The following CCDC22 variants were observed in gnomAD, a reference collection of about 807,000 sequenced individuals.
CCDC22 encodes the protein coiled-coil domain-containing protein 22.
Under a neutral mutation model 53.1 loss-of-function variants are expected in CCDC22, and 4 were observed. The ratio of observed to expected loss-of-function variants is 0.08; its 90% CI spans 0.04 to 0.17. The LOEUF (loss-of-function observed/expected upper bound fraction) is 0.17. CCDC22 is among the 10% of genes least tolerant of loss of function. The pLI, the probability that CCDC22 is intolerant of heterozygous loss-of-function variation, is 1.00. For synonymous variants in CCDC22, 222 were observed against 224.4 expected (o/e 0.99, Z 0.10); for missense variants, 458 against 554.0 (o/e 0.83, Z 1.74).
Position 49,248,185 on chromosome X carries a change from G to A in CCDC22, c.1093-6G>A. 1 of 1,201,342 alleles carries A rather than the reference G, an allele frequency of 8.3e-7. No individual in the cohort carries two copies. The highest frequency in any genetic ancestry group is 1.1e-6 in the Non-Finnish European group (1 of 895,247). On this transcript the variant is annotated splice_polypyrimidine_tract_variant and splice_region_variant and intron_variant, in intron 9 of 16. Transcript: ENST00000376227. ...TGTGGCATGTGACTGGGTATCCACC[G>A]GCCAGGCAGAGTCTGAGTGCCGGCA...
Position 49,243,324 on chromosome X carries a change from C to T in CCDC22, c.576C>T (p.Val192=), listed in dbSNP as rs782176188. 1.0e-5 allele frequency: 12 copies of T among 1,204,611 alleles called. No individual in the cohort carries two copies. Among genetic ancestry groups the T allele is most frequent in the Non-Finnish European group, 1.3e-5 (12 of 891,657 alleles). ...EFQASPLLLP[V]PTQVPQPVGR... ...AGGCGAGTCCCCTGCTGCTTCCAGT[C>T]CCTACCCAGGTGCCTCAGCCTGTTG... Residue 192 remains valine, a synonymous_variant, in exon 6 of 17, where the codon GTC becomes GTT. Transcript: ENST00000376227.
chrX:49,249,534 G>A lies in CCDC22; in HGVS notation c.1661G>A (p.Arg554Gln). The change falls in exon 15 of 17, where the codon CGG (arginine) becomes CAG (glutamine). Residue 554 changes from arginine (R) to glutamine (Q), a missense_variant. Arg to Gln is a conservative substitution (Grantham distance 43). Around this residue, in one of 4 missense-constraint regions of CCDC22, gnomAD observed 48 missense variants for 83.4 expected, o/e 0.58. Coordinates refer to ENST00000376227, the MANE Select transcript of CCDC22 (RefSeq NM_014008.5). ...FKDAKKDDAV[R>Q]KAYKYLAALH... is the part of the protein sequence containing the mutation. The stretch of plus-strand genomic sequence containing the variant: ...GATGCCAAGAAGGACGATGCTGTTC[G>A]GAAGGCCTATAAGTATCTAGCTGCT... The A allele has an allele frequency of 1.7e-6, 2 of 1,206,356 alleles. No individual in the cohort carries two copies. Among genetic ancestry groups the A allele is most frequent in the Non-Finnish European group, 2.2e-6 (2 of 893,066 alleles).
Position 49,248,448 on chromosome X carries a change from G to A in CCDC22, c.1254G>A (p.Ala418=), listed in dbSNP as rs782796542. 9 of 1,208,641 alleles carry A rather than the reference G, an allele frequency of 7.4e-6. No individual in the cohort carries two copies. The highest frequency in any genetic ancestry group is 3.5e-5 in the South Asian group (2 of 56,701). The part of the protein sequence containing the change: ...ENSAQRVIHL[A]GQWEKHRVPL... ...GTGCCCAGCGGGTCATCCACTTGGC[G>A]GGTCAGTGGGAGAAGCACCGGGTCC... is the stretch of plus-strand genomic sequence containing the variant. The change falls in exon 11 of 17, where the codon GCG becomes GCA. Residue 418 remains alanine (A), a synonymous_variant. Transcript: ENST00000376227.
rs1557115084 is a variant in CCDC22 at position 49,249,660 on chromosome X, C to G, written c.1705C>G (p.Gln569Glu). Residue 569 changes from glutamine (Q) to glutamate (E), a missense_variant, in exon 16 of 17, where the codon CAG (glutamine) becomes GAG (glutamate). Transcript: ENST00000376227. ...YLAALHENCS[Q>E]LIQTIEDTGT... ...CTCCTGTTGTCCCCAGAACTGCAGC[C>G]AGCTCATCCAGACCATCGAGGACAC... The G allele has an allele frequency of 5.8e-6, 7 of 1,208,856 alleles. No individual in the cohort carries two copies. The highest frequency in any genetic ancestry group is 7.8e-6 in the Non-Finnish European group (7 of 894,838).
At chrX:49,243,550 C>T in intron 6 of CCDC22, 88 bp downstream of exon 6, 2 of 777,023 alleles carry the variant, frequency 2.6e-6, no homozygotes, top group Non-Finnish European at 3.6e-6. Context: ...CCACTTTGTC[C>T]CTCCCTTCCA....
Position 49,250,177 on chromosome X carries a change from C to G in CCDC22, c.1800C>G (p.Leu600=). Residue 600 remains leucine (L), a synonymous_variant, in exon 17 of 17, where the codon CTC becomes CTG. Coordinates refer to ENST00000376227, the MANE Select transcript of CCDC22 (RefSeq NM_014008.5). ...QIETELGKKT[L]SNLEKIREDY... is the part of the protein sequence containing the mutation. ...AGACAGAGCTGGGCAAGAAGACCCT[C>G]AGCAACCTGGAGAAGATCCGGGAGG... 1 of 1,164,773 alleles carries G rather than the reference C, an allele frequency of 8.6e-7. No homozygotes were observed. Among genetic ancestry groups the G allele is most frequent in the Non-Finnish European group, 1.2e-6 (1 of 869,537 alleles).
chrX:49,238,370 C>T (rs781918437), intron 2 of CCDC22, among the ~76,000 whole-genome samples: 2 of 111,387 alleles, frequency 1.8e-5, no homozygotes, highest in African/African-American at 3.3e-5. Flanking sequence ...TGAGCCACTG[C>T]GCCCGGCCGA....
At chrX:49,246,642 CT>C in intron 6 of CCDC22, 88 bp from the exon 7 acceptor site, 1 of 836,437 alleles carries the variant, frequency 1.2e-6, no homozygotes, top group Non-Finnish European at 1.6e-6. Context: ...TGTCAGTATA[CT>C]CTTGTCAGGG....
At chrX:49,248,553 G>C in intron 11 of CCDC22, 30 bp downstream of exon 11, 2 of 1,195,845 alleles carry the variant, frequency 1.7e-6, no homozygotes, top group Non-Finnish European at 2.3e-6. Context: ...GCTGTGGGCG[G>C]GCCAGGGCAG....
In CCDC22 at chrX:49,242,110, T is replaced by G; in HGVS notation, c.323T>G (p.Leu108Arg). 1 of 1,209,749 alleles carries G rather than the reference T, an allele frequency of 8.3e-7. No individual in the cohort carries two copies. The highest frequency in any genetic ancestry group is 1.1e-6 in the Non-Finnish European group (1 of 894,865). ...RDLLLFLAER[L>R]PTDASEDADQ... ...CTGCTTCTCTTCTTGGCTGAGCGTC[T>G]GCCCACCGATGCCTCTGAGGATGCA... The change falls in exon 3 of 17, where the codon CTG becomes CGG. Residue 108 changes from leucine (L) to arginine (R), a missense_variant. Leu to Arg is a moderately radical substitution (Grantham distance 102, BLOSUM62 -2). This residue lies in a region of CCDC22 where 55 missense variants were observed against 106.0 expected (regional missense o/e 0.52). Transcript: ENST00000376227.
At position 49,237,240 on chromosome X, in the gene CCDC22, A is replaced by G; in HGVS notation, c.205A>G (p.Met69Val). 2 of 1,208,930 alleles carry G rather than the reference A, an allele frequency of 1.7e-6. No homozygotes were observed. The highest frequency in any genetic ancestry group is 1.1e-6 in the Non-Finnish European group (1 of 893,543). Residue 69 changes from methionine (M) to valine (V), a missense_variant, in exon 2 of 17, where the codon ATG becomes GTG. Met to Val is a conservative substitution (Grantham distance 21). Transcript: ENST00000376227. ...CATGTCTGCCCGGTTCCGCCTGGCC[A>G]TGAGCCTGGCTCAGGCCTGCATGGT... ...LAMSARFRLA[M>V]SLAQACMDLG... is the part of the protein sequence containing the mutation.
chrX:49,236,193 A>T (rs1252475411), intron 1 of CCDC22, among the ~76,000 whole-genome samples: 1 of 88,348 alleles, frequency 1.1e-5, no homozygotes, highest in Non-Finnish European at 2.3e-5. Context: ...GCTTAAAAAA[A>T]CCCAGGATTC....
At chrX:49,243,483 C>A in intron 6 of CCDC22, 21 bp downstream of exon 6, 1 of 1,119,578 alleles carries the variant, frequency 8.9e-7, no homozygotes, top group Admixed American at 2.7e-5. Context: ...ATGCCTGGCT[C>A]CCTGCTGTCT....
chrX:49,235,783 C>A, intron 1 of CCDC22, 97 bp downstream of exon 1: 1 of 679,050 alleles, frequency 1.5e-6, no homozygotes, highest in Non-Finnish European at 2.2e-6. Context: ...GGGATCCTGA[C>A]ATTCAGGGCT....
At chrX:49,246,055 G>A (rs1311903909) in intron 6 of CCDC22, among the ~76,000 whole-genome samples, 2 of 109,032 alleles carry the variant, frequency 1.8e-5, no homozygotes, top group African/African-American at 3.4e-5. Context: ...GCGTGATGTC[G>A]CTTCACTGCA....
rs782777319 is a variant in CCDC22, at chrX:49,246,889, C to T, written c.873C>T (p.Ser291=). ...AGAKTGAPKG[S]RFTHSEKFTF... ...CCAAGACTGGTGCTCCTAAGGGCTC[C>T]CGCTTCACGCACTCAGAGAAGTTCA... The change falls in exon 7 of 17, where the codon TCC becomes TCT. Residue 291 remains serine (S), a synonymous_variant. Coordinates refer to ENST00000376227, the MANE Select transcript of CCDC22 (RefSeq NM_014008.5). 8.3e-7 allele frequency: 1 copy of T among 1,198,722 alleles called. No homozygotes were observed. Among genetic ancestry groups the T allele is most frequent in the Admixed American group, 2.2e-5 (1 of 44,881 alleles).
intron 3 of CCDC22, chrX:49,242,349 C>T: frequency 1.9e-5 from 14 of 749,246 alleles, no homozygotes; most frequent in Non-Finnish European, 2.2e-5. Context: ...GTTGAGCTGA[C>T]CCCGGTGGTG....
At chrX:49,248,578 T>C in intron 11 of CCDC22, 55 bp downstream of exon 11, 1 of 1,197,496 alleles carries the variant, frequency 8.4e-7, no homozygotes, top group Middle Eastern at 2.3e-4. Flanking sequence ...GGTCCCTCTC[T>C]AGGGGGCCAT....
At chrX:49,238,613 T>C (rs1405683590) in intron 2 of CCDC22, among the ~76,000 whole-genome samples, 1 of 112,691 alleles carries the variant, frequency 8.9e-6, no homozygotes, top group African/African-American at 3.2e-5. Flanking sequence ...TTTTTAGAGG[T>C]AAGTGTCTTG....
Sources: allele counts gnomAD v4.1 joint callset (sites outside exome capture counted in the v4.1 genomes callset), GRCh38; gene constraint gnomAD v4.1.1; regional missense constraint gnomAD v4.1.1; transcripts MANE v1.5; gene names NCBI Gene and HGNC (gene_info 2026-07-23, HGNC 2026-07-21).